Variants in SNTB2 observed in about 807,000 individuals in gnomAD.
The protein encoded by SNTB2 is syntrophin beta 2.
In SNTB2, 34 loss-of-function variants were observed where a neutral mutation model predicts 46.2. The ratio of observed to expected loss-of-function variants is 0.74; its 90% CI spans 0.56 to 0.98. SNTB2 has a LOEUF of 0.98. SNTB2 is among the 50% of genes least tolerant of loss of function. The pLI is 0.00. For missense variants in SNTB2, 603 were observed against 731.4 expected (o/e 0.82, Z 2.02); for synonymous variants, 290 against 312.6 (o/e 0.93, Z 0.76).
At chr16:69,296,490 G>A (rs1219188492) in intron 5 of SNTB2, among the ~76,000 whole-genome samples, 2 of 151,914 alleles carry the variant, frequency 1.3e-5, no homozygotes, top group African/African-American at 2.4e-5. Flanking sequence ...GGAGGCCGAG[G>A]CGGGTGGATT....
At chr16:69,299,284 A>G (rs941983763) in intron 5 of SNTB2, among the ~76,000 whole-genome samples, 3 of 151,830 alleles carry the variant, frequency 2.0e-5, no homozygotes, top group Non-Finnish European at 4.4e-5. Context: ...CTGGGATTAC[A>G]GGCACCCGCC....
chr16:69,267,259 C>T (rs191855112), intron 3 of SNTB2, among the ~76,000 whole-genome samples: 15 of 152,206 alleles, frequency 9.9e-5, no homozygotes, highest in Admixed American at 2.6e-4. Context: ...TCTCTTCATC[C>T]GCCTGACTTG....
chr16:69,287,570 A>G (rs1965116324), intron 5 of SNTB2, among the ~76,000 whole-genome samples: 1 of 152,048 alleles, frequency 6.6e-6, no homozygotes, highest in African/African-American at 2.4e-5. Flanking sequence ...ACTGTTTCCA[A>G]AAATAGAAAT....
At chr16:69,220,069 G>A (rs567335312) in intron 1 of SNTB2, among the ~76,000 whole-genome samples, 7 of 151,424 alleles carry the variant, frequency 4.6e-5, no homozygotes, top group Admixed American at 2.6e-4. Context: ...GCATTTTTAA[G>A]CGAAGGTACC....
At chr16:69,241,168 C>CTTTTTTT (rs747664809) in intron 1 of SNTB2, among the ~76,000 whole-genome samples, 2 of 59,286 alleles carry the variant, frequency 3.4e-5, no homozygotes, top group African/African-American at 7.0e-5. Context: ...CCTGGATAAG[C>CTTTTTTT]TTTTTTTTTT....
intron 2 of SNTB2, among the ~76,000 whole-genome samples, chr16:69,256,001 C>T (rs1964772366): frequency 1.3e-5 from 2 of 151,948 alleles, no homozygotes; most frequent in South Asian, 4.2e-4. Flanking sequence ...GCCTGGCCAA[C>T]ATAGTGAAAC....
In SNTB2 at chr16:69,299,666, A is replaced by T; in HGVS notation, c.1422A>T (p.Gly474=). 4 of 1,614,174 alleles carry T rather than the reference A, an allele frequency of 2.5e-6. No homozygotes were observed. Among genetic ancestry groups the T allele is most frequent in the Non-Finnish European group, 3.4e-6 (4 of 1,180,018 alleles). Residue 474 remains glycine, a synonymous_variant, in exon 6 of 7, where the codon GGA becomes GGT. Coordinates refer to ENST00000336278, the MANE Select transcript of SNTB2 (RefSeq NM_006750.4). ...GGTTCACCATCTCAAGGGAAAATGG[A>T]GGCTCCAGCAGCATATTGTACCGCT... ...ENGFTISREN[G]GSSSILYRYP...
Position 69,303,279 on chromosome 16 carries a change from C to CT in SNTB2, c.*2356dup, listed in dbSNP as rs1287237871. The CT allele has an allele frequency of 6.6e-6, 1 of 152,184 alleles. No homozygotes were observed. Among genetic ancestry groups the CT allele is most frequent in the Admixed American group, 6.5e-5 (1 of 15,282 alleles). The allele number at this position is 152,184 out of a possible 1,614,324, so 9.4% of individuals were successfully genotyped here. A position where few individuals can be genotyped will look rare whatever the true frequency, so the allele number is the denominator to read the frequency against. The stretch of plus-strand genomic sequence containing the variant: ...CCTCAGGTAGGCAATCTTGAACCCT[C>CT]TATGCAGTGAGAGCATTATTAATAT... On this transcript the variant is annotated 3_prime_UTR_variant, in exon 7 of 7. Coordinates refer to ENST00000336278, the MANE Select transcript of SNTB2 (RefSeq NM_006750.4).
chr16:69,205,158 CTT>C (rs1167359330), intron 1 of SNTB2, among the ~76,000 whole-genome samples: 14 of 137,816 alleles, frequency 1.0e-4, no homozygotes, highest in South Asian at 2.3e-4. Context: ...TAACAGAATT[CTT>C]TTTTTTTTTT....
chr16:69,265,644 T>A lies in SNTB2; in HGVS notation c.1006-4499T>A, dbSNP rs1037331145. Among the ~76,000 whole-genome samples, 6 of 151,766 alleles carry A rather than the reference T, an allele frequency of 4.0e-5. No homozygotes were observed. The East Asian group carries it at 1.2e-3, about 30-fold the overall frequency. ...GAGTTTGAGACCAGCCTGGCCAGCA[T>A]GGTGAAACCCCGTCTCTACTAAAAA... On this transcript the variant is annotated intron_variant, in intron 3 of 6. Coordinates refer to ENST00000336278, the MANE Select transcript of SNTB2 (RefSeq NM_006750.4).
At chr16:69,199,778 A>T (rs1964142484) in intron 1 of SNTB2, among the ~76,000 whole-genome samples, 1 of 152,098 alleles carries the variant, frequency 6.6e-6, no homozygotes, top group South Asian at 2.1e-4. Flanking sequence ...TGCAATCTTA[A>T]TGAAAATTGA....
intron 1 of SNTB2, among the ~76,000 whole-genome samples, chr16:69,190,335 CTT>C (rs977640818): frequency 1.3e-5 from 2 of 152,168 alleles, no homozygotes; most frequent in Admixed American, 6.5e-5. Flanking sequence ...AAGCTATAGT[CTT>C]TGGTTGCCTG....
chr16:69,273,304 AAT>A (rs1964955689), intron 4 of SNTB2, among the ~76,000 whole-genome samples: 1 of 152,234 alleles, frequency 6.6e-6, no homozygotes, highest in South Asian at 2.1e-4. Context: ...CATTATTCAC[AAT>A]AGCCAAAGAG....
intron 2 of SNTB2, among the ~76,000 whole-genome samples, chr16:69,248,399 G>A (rs915086920): frequency 2.6e-5 from 4 of 152,060 alleles, no homozygotes; most frequent in Admixed American, 6.6e-5. Flanking sequence ...TTTGGGAGAC[G>A]GAGGCAGGTG....
At chr16:69,260,395 T>G in intron 3 of SNTB2, 135 bp downstream of exon 3, 1 of 816,768 alleles carries the variant, frequency 1.2e-6, no homozygotes, top group Non-Finnish European at 1.9e-6. Context: ...TGTTTTTCAG[T>G]GTTTTGTTTC....
At chr16:69,214,023 C>T (rs1360485297) in intron 1 of SNTB2, among the ~76,000 whole-genome samples, 1 of 150,938 alleles carries the variant, frequency 6.6e-6, no homozygotes, top group African/African-American at 2.4e-5. Context: ...TGGAGTTTCA[C>T]CATCTTGGCC....
chr16:69,236,423 T>G (rs1257171630), intron 1 of SNTB2, among the ~76,000 whole-genome samples: 1 of 152,018 alleles, frequency 6.6e-6, no homozygotes, highest in Non-Finnish European at 1.5e-5. Context: ...ATTGTATGAG[T>G]CCACCTATGT....
At chr16:69,277,832 G>A (rs1187736607) in intron 4 of SNTB2, among the ~76,000 whole-genome samples, 1 of 152,134 alleles carries the variant, frequency 6.6e-6, no homozygotes, top group Non-Finnish European at 1.5e-5. Context: ...TATAAATGAG[G>A]TAATATTTTG....
intron 4 of SNTB2, among the ~76,000 whole-genome samples, chr16:69,276,941 C>G (rs1053307189): frequency 2.0e-5 from 3 of 152,052 alleles, no homozygotes; most frequent in Admixed American, 6.6e-5. Flanking sequence ...TAATCTTGAC[C>G]CTTGAGTATT....
Sources: allele counts gnomAD v4.1 joint callset (sites outside exome capture counted in the v4.1 genomes callset), GRCh38; gene constraint gnomAD v4.1.1; transcripts MANE v1.5; gene names NCBI Gene and HGNC (gene_info 2026-07-23, HGNC 2026-07-21).